The following PKN2 variants were observed in gnomAD, a reference collection of about 807,000 sequenced individuals.
PKN2 encodes the protein protein kinase N2.
PKN2 carries 38 observed loss-of-function variants against 119.1 expected under a neutral mutation model. The observed-to-expected ratio is 0.32, with a 90% confidence interval of 0.25 to 0.42. The LOEUF is 0.42. Among genes scored for constraint, PKN2 ranks in the 10% least tolerant of loss-of-function variants. PKN2 has a pLI of 1.00. For missense variants in PKN2, 850 were observed against 1,165.1 expected, an observed-to-expected ratio of 0.73 and a Z score of 3.94; for synonymous variants, 390 against 384.9, an observed-to-expected ratio of 1.01 and a Z score of -0.15.
chr1:88,773,169 G>C (rs1000193527), intron 6 of PKN2, among the ~76,000 whole-genome samples: 7 of 150,742 alleles, frequency 4.6e-5, no homozygotes, highest in Non-Finnish European at 1.0e-4. Context: ...GTTCAAATGA[G>C]TCTCTTTTAG....
intron 11 of PKN2, 46 bp downstream of exon 11, chr1:88,805,717 A>T: frequency 6.2e-7 from 1 of 1,605,912 alleles, no homozygotes; most frequent in Non-Finnish European, 8.5e-7. Flanking sequence ...AGTTATTGGG[A>T]CATTCTTACG....
intron 1 of PKN2, among the ~76,000 whole-genome samples, chr1:88,709,023 G>A (rs563322433): frequency 6.6e-6 from 1 of 151,486 alleles, no homozygotes; most frequent in South Asian, 2.1e-4. Context: ...TATATTCAAA[G>A]CATTATTCTG....
intron 6 of PKN2, among the ~76,000 whole-genome samples, chr1:88,776,544 A>G (rs1670113155): frequency 6.6e-6 from 1 of 151,930 alleles, no homozygotes; most frequent in Non-Finnish European, 1.5e-5. Context: ...GTTTGAGACC[A>G]GCCTGGCCAG....
At chr1:88,777,822 C>T (rs80211489) in intron 6 of PKN2, among the ~76,000 whole-genome samples, 4,674 of 152,236 alleles carry the variant, frequency 0.031, 232 homozygotes, top group Admixed American at 0.14. Context: ...CCAGCATTAA[C>T]ATCAAAACAG....
chr1:88,701,170 G>A (rs1202067596), intron 1 of PKN2, among the ~76,000 whole-genome samples: 1 of 152,182 alleles, frequency 6.6e-6, no homozygotes, highest in Non-Finnish European at 1.5e-5. Context: ...GAGGCCGGGT[G>A]CAGTGGCTCA....
chr1:88,793,219 T>A (rs1670919897), intron 8 of PKN2, among the ~76,000 whole-genome samples: 1 of 152,224 alleles, frequency 6.6e-6, no homozygotes, highest in South Asian at 2.1e-4. Context: ...TGTGTGTAAG[T>A]TTGATAAATT....
At chr1:88,793,977 A>G (rs1670951255) in intron 8 of PKN2, among the ~76,000 whole-genome samples, 1 of 152,210 alleles carries the variant, frequency 6.6e-6, no homozygotes. Flanking sequence ...CCCATATAAT[A>G]TACCACTATT....
intron 1 of PKN2, among the ~76,000 whole-genome samples, chr1:88,731,048 T>G (rs1668127661): frequency 6.6e-6 from 1 of 152,256 alleles, no homozygotes; most frequent in Non-Finnish European, 1.5e-5. Context: ...GGTTTTCATG[T>G]CTGTCTTCTT....
chr1:88,789,180 T>C (rs1670706471), intron 8 of PKN2, among the ~76,000 whole-genome samples: 1 of 152,210 alleles, frequency 6.6e-6, no homozygotes, highest in East Asian at 1.9e-4. Flanking sequence ...GTAGGATTCA[T>C]GGATTGGGAC....
intron 3 of PKN2, among the ~76,000 whole-genome samples, chr1:88,762,093 T>C (rs1287119932): frequency 7.9e-5 from 12 of 152,300 alleles, no homozygotes; most frequent in South Asian, 2.1e-4. Context: ...AAAGCAAGTG[T>C]GTATGTTGAT....
chr1:88,723,749 C>T (rs1667788390), intron 1 of PKN2, among the ~76,000 whole-genome samples: 1 of 152,110 alleles, frequency 6.6e-6, no homozygotes, highest in African/African-American at 2.4e-5. Context: ...TTTCAGGTGG[C>T]ATAATATTTT....
intron 3 of PKN2, among the ~76,000 whole-genome samples, chr1:88,767,698 T>C (rs1669719176): frequency 6.6e-6 from 1 of 152,222 alleles, no homozygotes; most frequent in South Asian, 2.1e-4. Context: ...GGCCAGAAGC[T>C]ATTTGCTAAA....
At chr1:88,686,701 C>T (rs1158649157) in intron 1 of PKN2, among the ~76,000 whole-genome samples, 1 of 152,064 alleles carries the variant, frequency 6.6e-6, no homozygotes, top group Admixed American at 6.5e-5. Context: ...CTTATATCAA[C>T]ACTTAAAGAT....
chr1:88,765,282 CA>C (rs60307008), intron 3 of PKN2, among the ~76,000 whole-genome samples: 15,171 of 128,158 alleles, frequency 0.12, 1,617 homozygotes, highest in African/African-American at 0.31. Flanking sequence ...GACTTCATCT[CA>C]AAAAAAAAAA....
intron 1 of PKN2, among the ~76,000 whole-genome samples, chr1:88,704,022 T>C (rs1197431947): frequency 6.6e-6 from 1 of 152,142 alleles, no homozygotes; most frequent in African/African-American, 2.4e-5. Context: ...ATTTCACACA[T>C]TTAAAATATG....
chr1:88,758,272 T>C (rs1293975693), intron 2 of PKN2, among the ~76,000 whole-genome samples: 1 of 152,142 alleles, frequency 6.6e-6, no homozygotes, highest in African/African-American at 2.4e-5. Context: ...AATTCATCTT[T>C]AAATGGCACA....
chr1:88,819,403 A>G (rs145865338), intron 16 of PKN2, among the ~76,000 whole-genome samples: 1,735 of 150,462 alleles, frequency 0.012, 23 homozygotes, highest in African/African-American at 0.038. Flanking sequence ...TCCAAAAAAC[A>G]TATGAAAAAA....
intron 1 of PKN2, among the ~76,000 whole-genome samples, chr1:88,695,854 T>C (rs532920423): frequency 6.6e-6 from 1 of 152,310 alleles, no homozygotes; most frequent in East Asian, 1.9e-4. Context: ...CATGTTTTTA[T>C]TATACTCTTT....
chr1:88,801,828 A>T (rs983048411), intron 8 of PKN2, among the ~76,000 whole-genome samples: 7 of 152,226 alleles, frequency 4.6e-5, no homozygotes, highest in Admixed American at 2.0e-4. Flanking sequence ...GCAGACATAT[A>T]TATCCCTTAT....
Sources: allele counts gnomAD v4.1 joint callset (sites outside exome capture counted in the v4.1 genomes callset), GRCh38; gene constraint gnomAD v4.1.1; transcripts MANE v1.5; gene names NCBI Gene and HGNC (gene_info 2026-07-23, HGNC 2026-07-21).